Variants in ENOX1 observed in about 807,000 individuals in gnomAD.
ENOX1 encodes ecto-NOX disulfide-thiol exchanger 1.
ENOX1 carries 42 observed loss-of-function variants against 82.5 expected under a neutral mutation model. The observed-to-expected ratio is 0.51, with a 90% CI of 0.40 to 0.66. The LOEUF (loss-of-function observed/expected upper bound fraction) is 0.66. Ranked by LOEUF, ENOX1 falls within the 30% of genes least tolerant of loss-of-function variation. ENOX1 has a pLI of 0.00. For missense variants in ENOX1, 608 were observed against 811.6 expected (o/e 0.75, Z 3.05); for synonymous variants, 271 against 282.2 (o/e 0.96, Z 0.40).
At position 43,775,653 on chromosome 13, in the gene ENOX1, C is replaced by T. The variant is rs577647872; in HGVS notation, c.-285+10999G>A. 4.6e-5 allele frequency among the ~76,000 whole-genome samples: 7 copies of T among 152,270 alleles called. No individual in the cohort carries two copies. In the South Asian group the frequency reaches 1.5e-3, roughly 32 times the overall value. ...GCCCTTTTGAACATCTTAGAGATAGCGCTAAAGCTTGTTCTTAATTGAGGC... is the reference window on the plus strand; with the variant it reads ...GCCCTTTTGAACATCTTAGAGATAGTGCTAAAGCTTGTTCTTAATTGAGGC... On this transcript the variant is annotated intron_variant, in intron 1 of 16. Coordinates refer to ENST00000690772, the MANE Select transcript of ENOX1 (RefSeq NM_001347969.2).
At chr13:43,452,494 C>T (rs944314491) in intron 3 of ENOX1, among the ~76,000 whole-genome samples, 1 of 152,070 alleles carries the variant, frequency 6.6e-6, no homozygotes, top group Non-Finnish European at 1.5e-5. Flanking sequence ...TGTATATGTG[C>T]CACATTTTCT....
chr13:43,275,930 G>T (rs1474969747), intron 12 of ENOX1, among the ~76,000 whole-genome samples: 1 of 152,206 alleles, frequency 6.6e-6, no homozygotes. Context: ...GGGGTCAGGA[G>T]AATGAGCTCA....
intron 9 of ENOX1, among the ~76,000 whole-genome samples, chr13:43,342,289 G>A (rs1024668996): frequency 4.6e-5 from 7 of 152,244 alleles, no homozygotes; most frequent in African/African-American, 9.6e-5. Flanking sequence ...AGGGTGGGCC[G>A]AATCGGGGTA....
chr13:43,232,632 A>G (rs1267358716), intron 15 of ENOX1, among the ~76,000 whole-genome samples: 3 of 152,164 alleles, frequency 2.0e-5, no homozygotes, highest in Non-Finnish European at 4.4e-5. Flanking sequence ...GATGGAAATG[A>G]TGTGTATGTC....
intron 3 of ENOX1, among the ~76,000 whole-genome samples, chr13:43,478,336 T>G (rs2058374806): frequency 6.6e-6 from 1 of 152,088 alleles, no homozygotes. Flanking sequence ...TTTCAACTAG[T>G]AGAGGAACGT....
At chr13:43,705,330 C>CTCTCTCTCTCTA (rs141765196) in intron 1 of ENOX1, among the ~76,000 whole-genome samples, 2 of 129,864 alleles carry the variant, frequency 1.5e-5, no homozygotes, top group African/African-American at 5.8e-5. Context: ...CTCTCTCTCT[C>CTCTCTCTCTCTA]TATATATATA....
chr13:43,629,474 A>G (rs1186203010), intron 2 of ENOX1, among the ~76,000 whole-genome samples: 3 of 152,144 alleles, frequency 2.0e-5, no homozygotes, highest in Admixed American at 2.0e-4. Context: ...TAACCAGTCT[A>G]CTTCCTCCTC....
At chr13:43,417,235 C>T (rs1278243730) in intron 3 of ENOX1, among the ~76,000 whole-genome samples, 5 of 18,274 alleles carry the variant, frequency 2.7e-4, no homozygotes, top group South Asian at 0.013. Context: ...AGACGGGAGA[C>T]GGGAGACGGG....
intron 3 of ENOX1, among the ~76,000 whole-genome samples, chr13:43,448,573 G>A (rs191063763): frequency 4.9e-4 from 74 of 152,270 alleles, no homozygotes; most frequent in African/African-American, 1.6e-3. Context: ...AAAGAAACAG[G>A]AAATGCAGCA....
chr13:43,548,840 C>T (rs2079073682), intron 2 of ENOX1, among the ~76,000 whole-genome samples: 1 of 152,184 alleles, frequency 6.6e-6, no homozygotes, highest in African/African-American at 2.4e-5. Context: ...CCTGTTTCCT[C>T]CTCTTTCAAT....
intron 12 of ENOX1, among the ~76,000 whole-genome samples, chr13:43,288,535 T>C (rs923716420): frequency 2.0e-5 from 3 of 152,208 alleles, no homozygotes; most frequent in Non-Finnish European, 4.4e-5. Flanking sequence ...TACTTGTACA[T>C]GAGAGTCTAA....
At chr13:43,538,771 T>C (rs773221783) in intron 2 of ENOX1, among the ~76,000 whole-genome samples, 6 of 152,034 alleles carry the variant, frequency 3.9e-5, no homozygotes, top group Non-Finnish European at 8.8e-5. Flanking sequence ...TTCTTTTTCC[T>C]TGTTTGAGGT....
chr13:43,323,851 C>T (rs1333678855), intron 10 of ENOX1, among the ~76,000 whole-genome samples: 1 of 152,178 alleles, frequency 6.6e-6, no homozygotes, highest in Non-Finnish European at 1.5e-5. Context: ...CTTTTCTCTC[C>T]TTAGCTCACA....
intron 5 of ENOX1, among the ~76,000 whole-genome samples, chr13:43,410,901 A>C (rs2054089283): frequency 6.6e-6 from 1 of 152,110 alleles, no homozygotes; most frequent in South Asian, 2.1e-4. Flanking sequence ...CCTGGTTGTC[A>C]CCTCTCCACT....
rs1566166530 is a variant in ENOX1, at chr13:43,416,358, CGG to C, written c.-74-3372_-74-3371del. Among the ~76,000 whole-genome samples, 25 of 137,942 alleles carry C rather than the reference CGG, an allele frequency of 1.8e-4. No homozygotes were observed. In the East Asian group the frequency reaches 5.8e-3, roughly 32 times the overall value. The allele number at this position is 137,942 out of a possible 152,430, so 90.5% of individuals were successfully genotyped here. ...CTCCTCAGTTCCCAGATGGGGCGGCCGGACAGAAGCGCTCCTCACATCCCAGA... is the reference window on the plus strand; with the variant it reads ...CTCCTCAGTTCCCAGATGGGGCGGCCACAGAAGCGCTCCTCACATCCCAGA... On this transcript the variant is annotated intron_variant, in intron 3 of 16. Coordinates refer to ENST00000690772, the MANE Select transcript of ENOX1 (RefSeq NM_001347969.2).
chr13:43,613,053 T>A (rs993930995), intron 2 of ENOX1, among the ~76,000 whole-genome samples: 13 of 152,194 alleles, frequency 8.5e-5, no homozygotes, highest in African/African-American at 2.7e-4. Flanking sequence ...TACATTTTTT[T>A]AAAACGTTGT....
chr13:43,738,649 G>A (rs2089746332), intron 1 of ENOX1, among the ~76,000 whole-genome samples: 2 of 152,152 alleles, frequency 1.3e-5, no homozygotes, highest in East Asian at 3.9e-4. Context: ...TACCAAGATG[G>A]CAACTGATTC....
chr13:43,482,792 G>A (rs570593588), intron 3 of ENOX1, among the ~76,000 whole-genome samples: 4 of 152,116 alleles, frequency 2.6e-5, no homozygotes, highest in Admixed American at 6.6e-5. Context: ...AACTTCTCAC[G>A]TCCTTCCCAG....
intron 9 of ENOX1, among the ~76,000 whole-genome samples, chr13:43,336,369 T>C (rs1258561122): frequency 6.6e-6 from 1 of 152,244 alleles, no homozygotes; most frequent in African/African-American, 2.4e-5. Context: ...ATTTGTGGAA[T>C]GAATTTAATC....
Sources: allele counts gnomAD v4.1 joint callset (sites outside exome capture counted in the v4.1 genomes callset), GRCh38; gene constraint gnomAD v4.1.1; transcripts MANE v1.5; gene names NCBI Gene and HGNC (gene_info 2026-07-23, HGNC 2026-07-21).